The following NXPH1 variants were observed in gnomAD, a reference collection of about 807,000 sequenced individuals.
NXPH1 encodes neurexophilin 1, also known as neurexophilin-1.
Under a neutral mutation model 23.7 loss-of-function variants are expected in NXPH1, and 5 were observed. The ratio of observed to expected loss-of-function variants is 0.21; its 90% confidence interval spans 0.11 to 0.44. The LOEUF is 0.44. Ranked by LOEUF, NXPH1 falls within the 20% of genes least tolerant of loss-of-function variation. NXPH1 has a pLI of 0.99. For synonymous variants in NXPH1, 144 were observed against 122.2 expected (o/e 1.18, Z -1.18); for missense variants, 324 against 321.6 (o/e 1.01, Z -0.06).
chr7:8,497,019 AC>A (rs1183287626), intron 2 of NXPH1, among the ~76,000 whole-genome samples: 1 of 151,632 alleles, frequency 6.6e-6, no homozygotes, highest in Non-Finnish European at 1.5e-5. Context: ...CCCTCCCCTT[AC>A]CCCATGACAG....
chr7:8,525,036 C>T (rs1817840699), intron 2 of NXPH1, among the ~76,000 whole-genome samples: 1 of 152,154 alleles, frequency 6.6e-6, no homozygotes. Flanking sequence ...TTGAAGGGCT[C>T]AGAAGAAGAC....
At chr7:8,559,140 T>G (rs1818403179) in intron 2 of NXPH1, among the ~76,000 whole-genome samples, 1 of 151,572 alleles carries the variant, frequency 6.6e-6, no homozygotes, top group African/African-American at 2.4e-5. Context: ...AAAAATTTTT[T>G]AGAGACAAGG....
At chr7:8,734,920 G>A (rs1780222547) in intron 2 of NXPH1, among the ~76,000 whole-genome samples, 1 of 152,086 alleles carries the variant, frequency 6.6e-6, no homozygotes, top group Non-Finnish European at 1.5e-5. Flanking sequence ...GTGAATGGGG[G>A]TTCACTCATG....
chr7:8,730,897 G>T (rs2115216306), intron 2 of NXPH1, among the ~76,000 whole-genome samples: 1 of 151,410 alleles, frequency 6.6e-6, no homozygotes, highest in South Asian at 2.1e-4. Context: ...TGCCTTGCTA[G>T]ATTGGGGATG....
intron 2 of NXPH1, among the ~76,000 whole-genome samples, chr7:8,553,947 T>C (rs569670222): frequency 2.2e-4 from 33 of 151,808 alleles, no homozygotes; most frequent in Middle Eastern, 3.4e-3. Flanking sequence ...TCCAAGAACA[T>C]TTCTTAGGAA....
chr7:8,483,007 G>A (rs969287204), intron 2 of NXPH1, among the ~76,000 whole-genome samples: 1 of 152,148 alleles, frequency 6.6e-6, no homozygotes, highest in East Asian at 1.9e-4. Context: ...AAACAAATGG[G>A]TGTGGATTCC....
chr7:8,609,268 C>A lies in NXPH1; in HGVS notation c.55-141740C>A, dbSNP rs551500804. On this transcript the variant is annotated intron_variant, in intron 2 of 2. Coordinates refer to ENST00000405863, the MANE Select transcript of NXPH1 (RefSeq NM_152745.3). ...AAGCAAATAAAAAACCCAAAAACAT[C>A]ATTTTAGACGATTCTTTAACCTTCT... Among the ~76,000 whole-genome samples, 153 of 152,266 alleles carry A rather than the reference C, an allele frequency of 1.0e-3. 2 individuals are homozygous for A. Among genetic ancestry groups the A allele is most frequent in the African/African-American group, 3.5e-3 (147 of 41,560 alleles).
At chr7:8,734,901 A>T (rs1258505363) in intron 2 of NXPH1, among the ~76,000 whole-genome samples, 2 of 151,984 alleles carry the variant, frequency 1.3e-5, no homozygotes, top group African/African-American at 2.4e-5. Context: ...TATTCTCTTT[A>T]TAGCAATTGT....
At chr7:8,614,594 A>C (rs553263923) in intron 2 of NXPH1, among the ~76,000 whole-genome samples, 2 of 152,102 alleles carry the variant, frequency 1.3e-5, no homozygotes, top group South Asian at 4.2e-4. Flanking sequence ...AGATAGAGAC[A>C]TATCCATATA....
intron 2 of NXPH1, among the ~76,000 whole-genome samples, chr7:8,456,526 G>A (rs1337901205): frequency 1.6e-4 from 25 of 152,268 alleles, no homozygotes; most frequent in Non-Finnish European, 1.5e-5. Context: ...GGAAACAGAG[G>A]TCTTATTGGA....
Position 8,681,880 on chromosome 7 carries a change from C to T in NXPH1, c.55-69128C>T, listed in dbSNP as rs76396529. On this transcript the variant is annotated intron_variant, in intron 2 of 2. Coordinates refer to ENST00000405863, the MANE Select transcript of NXPH1 (RefSeq NM_152745.3). ...GGGAGGTTGTAGAAACTTGTCCAGC[C>T]CATATGTGCGTCATTTACTGCAGTG... Among the ~76,000 whole-genome samples, 630 of 152,278 alleles carry T rather than the reference C, an allele frequency of 4.1e-3. 12 individuals carry two copies. The highest frequency in any genetic ancestry group is 0.014 in the African/African-American group (591 of 41,550).
intron 2 of NXPH1, among the ~76,000 whole-genome samples, chr7:8,727,813 T>A (rs369650885): frequency 6.6e-6 from 1 of 151,990 alleles, no homozygotes; most frequent in East Asian, 1.9e-4. Context: ...ATTGACTTGG[T>A]GATGCGGGCT....
At chr7:8,588,365 T>A (rs1819020931) in intron 2 of NXPH1, among the ~76,000 whole-genome samples, 1 of 152,144 alleles carries the variant, frequency 6.6e-6, no homozygotes, top group African/African-American at 2.4e-5. Flanking sequence ...ACATAACTTG[T>A]ACTAACTCAA....
At chr7:8,608,705 C>G (rs1267187058) in intron 2 of NXPH1, among the ~76,000 whole-genome samples, 2 of 151,984 alleles carry the variant, frequency 1.3e-5, no homozygotes, top group African/African-American at 4.8e-5. Context: ...ATAACAGAAA[C>G]TACCCCACCA....
chr7:8,688,565 C>G (rs1043777996), intron 2 of NXPH1, among the ~76,000 whole-genome samples: 3 of 152,174 alleles, frequency 2.0e-5, no homozygotes, highest in Admixed American at 2.0e-4. Context: ...GGTCATTGAT[C>G]TGTTGCATGA....
At chr7:8,682,323 G>C (rs1187066248) in intron 2 of NXPH1, among the ~76,000 whole-genome samples, 1 of 152,144 alleles carries the variant, frequency 6.6e-6, no homozygotes, top group African/African-American at 2.4e-5. Flanking sequence ...TGACTTCATA[G>C]GTCTTGGGAC....
chr7:8,711,468 C>G (rs1294265422), intron 2 of NXPH1, among the ~76,000 whole-genome samples: 1 of 152,154 alleles, frequency 6.6e-6, no homozygotes, highest in Non-Finnish European at 1.5e-5. Context: ...AGCTCATAAT[C>G]TGGTTTGGAA....
Position 8,490,624 on chromosome 7 carries a change from T to C in NXPH1, c.54+54857T>C, listed in dbSNP as rs542054538. 3.9e-5 allele frequency among the ~76,000 whole-genome samples: 6 copies of C among 152,126 alleles called. No homozygotes were observed. In the East Asian group the frequency reaches 1.2e-3, roughly 30 times the overall value. On this transcript the variant is annotated intron_variant, in intron 2 of 2. Coordinates refer to ENST00000405863, the MANE Select transcript of NXPH1 (RefSeq NM_152745.3). ...TTCCTGTGAAGCAGATCGGTTCCAATGTTTGTGGGAACATTTTGACTACAA... is the reference window on the plus strand; with the variant it reads ...TTCCTGTGAAGCAGATCGGTTCCAACGTTTGTGGGAACATTTTGACTACAA...
intron 2 of NXPH1, among the ~76,000 whole-genome samples, chr7:8,440,843 A>C (rs1816284317): frequency 6.6e-6 from 1 of 152,190 alleles, no homozygotes; most frequent in Non-Finnish European, 1.5e-5. Context: ...CCAGTCCTGG[A>C]ATACCAAGGT....
Sources: gnomAD v4.1 joint callset for allele counts (sites outside exome capture counted in the v4.1 genomes callset) on GRCh38, gnomAD v4.1.1 for gene constraint, MANE v1.5 for transcripts, NCBI Gene and HGNC (gene_info 2026-07-23, HGNC 2026-07-21) for gene names.